The following KRABD5 variants were observed in gnomAD, a reference collection of about 807,000 sequenced individuals.
KRABD5 encodes KRAB domain containing 5, also known as KRAB domain-containing protein 5.
chr16:31,739,079 C>A, the KRABD5 span, among the ~76,000 whole-genome samples: 1 of 152,094 alleles, frequency 6.6e-6, no homozygotes, highest in Non-Finnish European at 1.5e-5. Context: ...TAAAAGTATT[C>A]TATGCACCAT....
the KRABD5 span, among the ~76,000 whole-genome samples, chr16:31,724,033 G>A: frequency 1.3e-5 from 2 of 152,106 alleles, no homozygotes; most frequent in Admixed American, 1.3e-4. Flanking sequence ...TACTTACTAT[G>A]TAGAATTCTT....
chr16:31,742,178 TTTTC>T, the KRABD5 span, among the ~76,000 whole-genome samples: 6 of 100,786 alleles, frequency 6.0e-5, no homozygotes, highest in African/African-American at 1.8e-4. Flanking sequence ...AATTTTTTGT[TTTTC>T]TTTATTTCCT....
At chr16:31,741,581 T>C in the KRABD5 span, among the ~76,000 whole-genome samples, 1 of 152,216 alleles carries the variant, frequency 6.6e-6, no homozygotes, top group Non-Finnish European at 1.5e-5. Context: ...TTTTTTCGTA[T>C]GCTTGATGGC....
chr16:31,723,376 G>A, the KRABD5 span: 2 of 1,602,644 alleles, frequency 1.2e-6, no homozygotes, highest in Non-Finnish European at 1.7e-6. Context: ...GAATGAAGTA[G>A]ATGACATGGG....
chr16:31,745,518 C>G, the KRABD5 span, among the ~76,000 whole-genome samples: 1 of 152,074 alleles, frequency 6.6e-6, no homozygotes, highest in Non-Finnish European at 1.5e-5. Flanking sequence ...TTTGTATTTG[C>G]TGAAGAGTGT....
chr16:31,749,860 C>T, the KRABD5 span, among the ~76,000 whole-genome samples: 12 of 152,254 alleles, frequency 7.9e-5, no homozygotes, highest in African/African-American at 1.9e-4. Flanking sequence ...AGCCTCCGAA[C>T]GCTACTGTTT....
the KRABD5 span, among the ~76,000 whole-genome samples, chr16:31,730,245 G>A: frequency 6.6e-6 from 1 of 151,676 alleles, no homozygotes; most frequent in African/African-American, 2.4e-5. Context: ...TTTTGGTGGG[G>A]GGGTCTTGAA....
chr16:31,753,950 G>C, the KRABD5 span: 7 of 1,548,814 alleles, frequency 4.5e-6, no homozygotes, highest in East Asian at 1.5e-4. Flanking sequence ...CAAAATGTAA[G>C]ACAACTACCT....
the KRABD5 span, among the ~76,000 whole-genome samples, chr16:31,724,253 T>A: frequency 6.6e-6 from 1 of 152,140 alleles, no homozygotes; most frequent in Non-Finnish European, 1.5e-5. Context: ...CCCACACTTG[T>A]AAATTATATA....
chr16:31,734,383 T>TCCCCA, the KRABD5 span, among the ~76,000 whole-genome samples: 2 of 152,084 alleles, frequency 1.3e-5, no homozygotes, highest in Non-Finnish European at 1.5e-5. Context: ...CCCAAGTCGT[T>TCCCCA]AGGACTACAG....
chr16:31,723,360 G>A, the KRABD5 span: 2 of 1,609,678 alleles, frequency 1.2e-6, no homozygotes, highest in East Asian at 2.2e-5. Flanking sequence ...CCAGGTAGGT[G>A]GGAGTGAATG....
chr16:31,753,727 T>G, the KRABD5 span: 1 of 1,435,052 alleles, frequency 7.0e-7, no homozygotes, highest in Non-Finnish European at 9.2e-7. Flanking sequence ...TCACCTGAAT[T>G]TAGTAATTGG....
the KRABD5 span, chr16:31,760,791 G>T: frequency 6.6e-6 from 1 of 152,190 alleles, no homozygotes; most frequent in Non-Finnish European, 1.5e-5. Flanking sequence ...TGTGGAGTGT[G>T]TTCTTATGTG....
chr16:31,737,494 A>G, the KRABD5 span, among the ~76,000 whole-genome samples: 166 of 152,298 alleles, frequency 1.1e-3, 2 homozygotes, highest in African/African-American at 3.9e-3. Context: ...ATGTTTGTAA[A>G]TGTGCAAGGT....
chr16:31,723,220 T>G, the KRABD5 span: 4 of 1,595,602 alleles, frequency 2.5e-6, no homozygotes, highest in African/African-American at 4.0e-5. Context: ...ATTAAAGAAC[T>G]CCCAGCAAGA....
the KRABD5 span, among the ~76,000 whole-genome samples, chr16:31,748,733 A>G: frequency 2.0e-5 from 3 of 151,848 alleles, no homozygotes; most frequent in Admixed American, 1.3e-4. Context: ...GAGTTTGTCT[A>G]GTTTTGATCT....
At chr16:31,718,895 A>G in the KRABD5 span, among the ~76,000 whole-genome samples, 136 of 152,296 alleles carry the variant, frequency 8.9e-4, no homozygotes, top group African/African-American at 3.2e-3. Flanking sequence ...AACAGGGTCT[A>G]ATTTCTTTCC....
chr16:31,722,013 G>A, the KRABD5 span, among the ~76,000 whole-genome samples: 1 of 152,194 alleles, frequency 6.6e-6, no homozygotes, highest in East Asian at 1.9e-4. Context: ...TGTGGATGAT[G>A]TAAATATAGA....
At chr16:31,758,649 C>CT in the KRABD5 span, 1 of 151,522 alleles carries the variant, frequency 6.6e-6, no homozygotes. Flanking sequence ...TGGTGGGTAC[C>CT]TATAATCCCA....
Sources: allele counts gnomAD v4.1 joint callset (sites outside exome capture counted in the v4.1 genomes callset), GRCh38; gene constraint gnomAD v4.1.1; transcripts MANE v1.5; gene names NCBI Gene and HGNC (gene_info 2026-07-23, HGNC 2026-07-21).